The following MACROD2 variants were observed in gnomAD, a reference collection of about 807,000 sequenced individuals.
The protein encoded by MACROD2 is ADP-ribose glycohydrolase MACROD2.
In MACROD2, 36 loss-of-function variants were observed where a neutral mutation model predicts 70.4. The ratio of observed to expected loss-of-function variants is 0.51; its 90% CI spans 0.39 to 0.68. MACROD2 has a LOEUF of 0.68. Ranked by LOEUF, MACROD2 falls within the 30% of genes least tolerant of loss-of-function variation. MACROD2 has a pLI of 0.00. For missense variants in MACROD2, 496 were observed against 538.4 expected (o/e 0.92, Z 0.78); for synonymous variants, 172 against 178.8 (o/e 0.96, Z 0.30).
At chr20:15,229,825 G>T (rs1055748641) in intron 5 of MACROD2, 115 bp from the exon 6 acceptor site, 10 of 1,103,344 alleles carry the variant, frequency 9.1e-6, no homozygotes, top group Non-Finnish European at 1.2e-5. Flanking sequence ...GTATTGCTTA[G>T]CTTGCTTGTC....
intron 4 of MACROD2, among the ~76,000 whole-genome samples, chr20:14,630,716 GA>G (rs1984459203): frequency 6.6e-6 from 1 of 152,222 alleles, no homozygotes; most frequent in South Asian, 2.1e-4. Context: ...AGCATTTGTA[GA>G]AGATAGGTGA....
chr20:14,384,758 T>C (rs937807395), intron 3 of MACROD2, among the ~76,000 whole-genome samples: 1 of 152,186 alleles, frequency 6.6e-6, no homozygotes, highest in Non-Finnish European at 1.5e-5. Flanking sequence ...TTGGGTTTAT[T>C]GTAACTCTTG....
chr20:14,159,180 A>G (rs1187724135), intron 3 of MACROD2, among the ~76,000 whole-genome samples: 1 of 152,164 alleles, frequency 6.6e-6, no homozygotes, highest in East Asian at 1.9e-4. Flanking sequence ...GGAGGTTGCA[A>G]TGAGCCTAGA....
At chr20:13,998,674 G>T (rs1034080073) in intron 1 of MACROD2, among the ~76,000 whole-genome samples, 4 of 152,048 alleles carry the variant, frequency 2.6e-5, no homozygotes, top group African/African-American at 9.7e-5. Context: ...CACAGAGAAG[G>T]GCTAGGCGCG....
intron 5 of MACROD2, among the ~76,000 whole-genome samples, chr20:14,778,016 G>A (rs1191754147): frequency 1.3e-5 from 2 of 152,008 alleles, no homozygotes; most frequent in Non-Finnish European, 2.9e-5. Context: ...GGCCTGACAC[G>A]CTGCATTCCC....
intron 8 of MACROD2, among the ~76,000 whole-genome samples, chr20:15,653,008 A>G (rs903977669): frequency 1.3e-5 from 2 of 152,200 alleles, no homozygotes; most frequent in Non-Finnish European, 2.9e-5. Context: ...ATGTTGGGCG[A>G]GGAATTCATT....
At chr20:14,467,807 G>C (rs35649042) in intron 3 of MACROD2, among the ~76,000 whole-genome samples, 22,754 of 152,092 alleles carry the variant, frequency 0.15, 2,424 homozygotes, top group Non-Finnish European at 0.22. Context: ...CTGGTACGTT[G>C]TGTCATTGTT....
chr20:15,498,424 T>A (rs927348309), intron 7 of MACROD2, among the ~76,000 whole-genome samples: 13 of 152,204 alleles, frequency 8.5e-5, no homozygotes, highest in African/African-American at 3.1e-4. Flanking sequence ...ATGGAAAATG[T>A]TCCAGGAGAC....
intron 4 of MACROD2, among the ~76,000 whole-genome samples, chr20:14,684,184 G>T (rs2070970355): frequency 6.6e-6 from 1 of 152,154 alleles, no homozygotes; most frequent in South Asian, 2.1e-4. Flanking sequence ...GTAAGGGGTG[G>T]TCTTATGGGT....
chr20:15,040,735 G>C (rs1488177455), intron 5 of MACROD2, among the ~76,000 whole-genome samples: 1 of 152,132 alleles, frequency 6.6e-6, no homozygotes, highest in African/African-American at 2.4e-5. Context: ...AAGTTATTTT[G>C]TTTGCTATTA....
chr20:16,019,608 A>G (rs1368041327), intron 15 of MACROD2, among the ~76,000 whole-genome samples: 2 of 152,158 alleles, frequency 1.3e-5, no homozygotes, highest in African/African-American at 2.4e-5. Flanking sequence ...CTTCTTGTGC[A>G]TCTTGTAACT....
At chr20:15,097,300 G>A (rs922831125) in intron 5 of MACROD2, among the ~76,000 whole-genome samples, 6 of 152,126 alleles carry the variant, frequency 3.9e-5, no homozygotes, top group African/African-American at 1.4e-4. Context: ...ATGTCATGGA[G>A]TATGTATAGT....
In MACROD2 at chr20:14,790,649, A is replaced by G. The variant is rs558903523; in HGVS notation, c.418+105690A>G. Among the ~76,000 whole-genome samples, 35 of 152,192 alleles carry G rather than the reference A, an allele frequency of 2.3e-4. No homozygotes were observed. The South Asian group carries it at 7.3e-3, about 32-fold the overall frequency. ...TTGTGTGCTTGTAAAGTTACCTGTTATGCATCCCCTTACCTTGCTCATATA... is the reference window on the plus strand; with the variant it reads ...TTGTGTGCTTGTAAAGTTACCTGTTGTGCATCCCCTTACCTTGCTCATATA... On this transcript the variant is annotated intron_variant, in intron 5 of 17. Transcript: ENST00000684519.
intron 3 of MACROD2, among the ~76,000 whole-genome samples, chr20:14,174,969 G>A (rs2081251843): frequency 1.3e-5 from 2 of 152,154 alleles, no homozygotes. Flanking sequence ...CAGTGAGAGT[G>A]TGTGTTCCAG....
intron 8 of MACROD2, among the ~76,000 whole-genome samples, chr20:15,561,146 A>G (rs938142059): frequency 9.2e-5 from 14 of 152,244 alleles, no homozygotes; most frequent in African/African-American, 2.9e-4. Flanking sequence ...ACTCAATGAC[A>G]TCATTCATGG....
intron 5 of MACROD2, among the ~76,000 whole-genome samples, chr20:15,090,581 G>GGAA (rs769785748): frequency 1.3e-5 from 2 of 151,972 alleles, no homozygotes; most frequent in Non-Finnish European, 2.9e-5. Context: ...TCCCTCTGGG[G>GGAA]GAAGAAGAAG....
At chr20:15,484,750 A>T (rs2047143311) in intron 7 of MACROD2, among the ~76,000 whole-genome samples, 1 of 152,336 alleles carries the variant, frequency 6.6e-6, no homozygotes, top group Non-Finnish European at 1.5e-5. Flanking sequence ...CAAAAGCATG[A>T]TAGCCCTGGA....
At chr20:14,687,410 T>C (rs1432884995) in intron 5 of MACROD2, among the ~76,000 whole-genome samples, 1 of 152,182 alleles carries the variant, frequency 6.6e-6, no homozygotes, top group African/African-American at 2.4e-5. Context: ...AGTTATTCAG[T>C]TTCCTTTGAA....
intron 17 of MACROD2, among the ~76,000 whole-genome samples, chr20:16,047,542 G>A (rs544189909): frequency 2.0e-5 from 3 of 152,280 alleles, no homozygotes; most frequent in East Asian, 3.9e-4. Flanking sequence ...TTCCGTTTTT[G>A]CACTCTCGTA....
Sources: allele counts gnomAD v4.1 joint callset (sites outside exome capture counted in the v4.1 genomes callset), GRCh38; gene constraint gnomAD v4.1.1; transcripts MANE v1.5; gene names NCBI Gene and HGNC (gene_info 2026-07-23, HGNC 2026-07-21).